The following PIK3C2G variants were observed in gnomAD, a reference collection of about 807,000 sequenced individuals.
PIK3C2G encodes the protein phosphatidylinositol 3-kinase C2 domain-containing subunit gamma.
In PIK3C2G, 168 loss-of-function variants were observed where a neutral mutation model predicts 181.1. The ratio of observed to expected loss-of-function variants is 0.93; its 90% CI spans 0.82 to 1.05. The LOEUF (loss-of-function observed/expected upper bound fraction) is 1.05. Among genes scored for constraint, PIK3C2G ranks in the 50% least tolerant of loss-of-function variants. The pLI, the probability that PIK3C2G is intolerant of heterozygous loss-of-function variation, is 0.00. For synonymous variants in PIK3C2G, 573 were observed against 592.2 expected (o/e 0.97, Z 0.47); for missense variants, 1,869 against 1,732.8 (o/e 1.08, Z -1.40).
In PIK3C2G at chr12:18,586,711, T is replaced by C. The variant is rs554498225; in HGVS notation, c.4012-7783T>C. Among the ~76,000 whole-genome samples, 4 of 152,218 alleles carry C rather than the reference T, an allele frequency of 2.6e-5. No homozygotes were observed. In the South Asian group the frequency reaches 8.3e-4, roughly 32 times the overall value. On this transcript the variant is annotated intron_variant, in intron 29 of 32. Coordinates refer to ENST00000538779, the MANE Select transcript of PIK3C2G (RefSeq NM_001288772.2). ...TGAGAAGAGACTTTTCCCCAGTTCA[T>C]TCCATGAGGCCAGCATCATCCTGAT...
At chr12:18,371,928 C>G (rs1191113461) in intron 13 of PIK3C2G, among the ~76,000 whole-genome samples, 1 of 151,906 alleles carries the variant, frequency 6.6e-6, no homozygotes, top group African/African-American at 2.4e-5. Context: ...AAAAATCAAC[C>G]ATTTTTCACA....
chr12:18,650,680 G>A, downstream of PIK3C2G, among the ~76,000 whole-genome samples: 1 of 37,064 alleles, frequency 2.7e-5, no homozygotes, highest in African/African-American at 1.6e-4. Context: ...GTGTGTGTGT[G>A]TGTGTGTGTG....
At chr12:18,573,527 A>G (rs1946079630) in intron 29 of PIK3C2G, among the ~76,000 whole-genome samples, 1 of 152,158 alleles carries the variant, frequency 6.6e-6, no homozygotes, top group African/African-American at 2.4e-5. Context: ...CAAATCCTGG[A>G]CCCACATTCC....
chr12:18,389,720 A>G (rs1447795505), intron 14 of PIK3C2G, among the ~76,000 whole-genome samples: 1 of 152,206 alleles, frequency 6.6e-6, no homozygotes, highest in African/African-American at 2.4e-5. Flanking sequence ...ATCAGTAGCT[A>G]TTTAGCCTCA....
At chr12:18,632,451 A>G (rs929667582) in intron 31 of PIK3C2G, among the ~76,000 whole-genome samples, 3 of 152,198 alleles carry the variant, frequency 2.0e-5, no homozygotes, top group Non-Finnish European at 2.9e-5. Flanking sequence ...AAACAGAACC[A>G]ATAATAAGTA....
chr12:18,657,354 T>C, the PIK3C2G span, among the ~76,000 whole-genome samples: 18 of 152,114 alleles, frequency 1.2e-4, no homozygotes, highest in African/African-American at 4.3e-4. Flanking sequence ...TGGGATCATA[T>C]TCAGAAAATA....
intron 1 of PIK3C2G, among the ~76,000 whole-genome samples, chr12:18,250,024 A>T (rs1450913343): frequency 6.6e-6 from 1 of 152,088 alleles, no homozygotes; most frequent in Non-Finnish European, 1.5e-5. Context: ...CTTAACTCTA[A>T]CTAATTGTAA....
chr12:18,536,921 AGAAGT>A (rs1943886891), intron 24 of PIK3C2G, among the ~76,000 whole-genome samples: 1 of 152,138 alleles, frequency 6.6e-6, no homozygotes, highest in Non-Finnish European at 1.5e-5. Context: ...GAATATAAAC[AGAAGT>A]GAAGGTACTG....
chr12:18,506,793 A>G (rs906472047), intron 24 of PIK3C2G, among the ~76,000 whole-genome samples: 9 of 152,170 alleles, frequency 5.9e-5, no homozygotes, highest in African/African-American at 1.7e-4. Context: ...AGCCATTCCA[A>G]AGACTAATTA....
At chr12:18,373,460 A>C (rs1231271731) in intron 13 of PIK3C2G, among the ~76,000 whole-genome samples, 1 of 152,210 alleles carries the variant, frequency 6.6e-6, no homozygotes, top group Non-Finnish European at 1.5e-5. Context: ...ATGGTGATTA[A>C]ACTCAGATAA....
In PIK3C2G at chr12:18,563,502, A is replaced by G; in HGVS notation, c.3902+4A>G. ...TTGCATCACTGACTCTCCCAGAGTA[A>G]GGCACTGTCCTTTTACATTGTTTTG... On this transcript the variant is annotated splice_donor_region_variant and intron_variant, in intron 28 of 32. Coordinates refer to ENST00000538779, the MANE Select transcript of PIK3C2G (RefSeq NM_001288772.2). 1 of 1,613,618 alleles carries G rather than the reference A, an allele frequency of 6.2e-7. No individual in the cohort carries two copies. Among genetic ancestry groups the G allele is most frequent in the East Asian group, 2.2e-5 (1 of 44,850 alleles).
In PIK3C2G at chr12:18,273,716, G is replaced by C. The variant is rs374317981; in HGVS notation, c.-78-8288G>C. Among the ~76,000 whole-genome samples, 10 of 152,246 alleles carry C rather than the reference G, an allele frequency of 6.6e-5. No homozygotes were observed. The East Asian group carries it at 7.7e-4, about 12-fold the overall frequency. On this transcript the variant is annotated intron_variant, in intron 1 of 32. Transcript: ENST00000538779. ...CATAAAAACCCTAGAAGGAAACCTA[G>C]GCAATACCATTCAGGACATAGCCAT...
rs530942145 is a variant in PIK3C2G, at chr12:18,276,382, T to G, written c.-78-5622T>G. On this transcript the variant is annotated intron_variant, in intron 1 of 32. Coordinates refer to ENST00000538779, the MANE Select transcript of PIK3C2G (RefSeq NM_001288772.2). ...ACACACTCAGAGGCATTGAATGAAT[T>G]ACTGATTCAACTGCTTTATTATATT... Among the ~76,000 whole-genome samples the G allele has an allele frequency of 5.1e-4, 77 of 152,208 alleles. 1 individual carries two copies. The highest frequency in any genetic ancestry group is 7.5e-4 in the Non-Finnish European group (51 of 68,032).
intron 18 of PIK3C2G, among the ~76,000 whole-genome samples, chr12:18,459,919 C>T (rs569803489): frequency 1.3e-5 from 2 of 152,228 alleles, no homozygotes; most frequent in Admixed American, 6.5e-5. Flanking sequence ...CCTGCCACCA[C>T]GTCTGTCTAA....
the PIK3C2G span, among the ~76,000 whole-genome samples, chr12:18,654,402 C>T: frequency 6.7e-6 from 1 of 149,032 alleles, no homozygotes; most frequent in Non-Finnish European, 1.5e-5. Flanking sequence ...TAAAACTCCT[C>T]TTAAAGTATC....
rs1592543465 is a variant in PIK3C2G at position 18,545,284 on chromosome 12, G to A, written c.3481-1039G>A. Among the ~76,000 whole-genome samples the A allele has an allele frequency of 4.6e-5, 7 of 151,864 alleles. 2 individuals are homozygous for A. The highest frequency in any genetic ancestry group is 4.6e-4 in the Admixed American group (7 of 15,200). Reference sequence around the variant, plus strand: ...TACATGCTGCTTCCTGAGCCTGGGTGGGGATGGTGGGAAAAAAGAATAGTT... The same window carrying A: ...TACATGCTGCTTCCTGAGCCTGGGTAGGGATGGTGGGAAAAAAGAATAGTT... On this transcript the variant is annotated intron_variant, in intron 25 of 32. Coordinates refer to ENST00000538779, the MANE Select transcript of PIK3C2G (RefSeq NM_001288772.2).
chr12:18,355,714 A>T (rs1940667234), intron 11 of PIK3C2G, among the ~76,000 whole-genome samples: 1 of 152,112 alleles, frequency 6.6e-6, no homozygotes, highest in South Asian at 2.1e-4. Flanking sequence ...TGAGAAGGGA[A>T]CCACCATTCA....
Position 18,596,905 on chromosome 12 carries a change from T to C in PIK3C2G, c.4087+2336T>C, listed in dbSNP as rs893126461. Among the ~76,000 whole-genome samples, 3 of 152,132 alleles carry C rather than the reference T, an allele frequency of 2.0e-5. No homozygotes were observed. In the East Asian group the frequency reaches 5.8e-4, roughly 29 times the overall value. On this transcript the variant is annotated intron_variant, in intron 30 of 32. Coordinates refer to ENST00000538779, the MANE Select transcript of PIK3C2G (RefSeq NM_001288772.2). ...AGGCCAAGCAGTGTAAGAATAGAAC[T>C]ATTTAAAAATAAATATTTGTGTTAA... is the stretch of plus-strand genomic sequence containing the variant.
intron 13 of PIK3C2G, among the ~76,000 whole-genome samples, chr12:18,378,446 C>T (rs1942605222): frequency 6.6e-6 from 1 of 152,070 alleles, no homozygotes; most frequent in Admixed American, 6.5e-5. Flanking sequence ...CCATTCAGGA[C>T]ATAGGCATGG....
Sources: allele counts gnomAD v4.1 joint callset (sites outside exome capture counted in the v4.1 genomes callset), GRCh38; gene constraint gnomAD v4.1.1; transcripts MANE v1.5; gene names NCBI Gene and HGNC (gene_info 2026-07-23, HGNC 2026-07-21).